The following PCDHGA7 variants were observed in gnomAD, a reference collection of about 807,000 sequenced individuals.
PCDHGA7 encodes protocadherin gamma subfamily A, 7.
A neutral mutation model predicts 58.3 loss-of-function variants in PCDHGA7; 44 were observed. The ratio of observed to expected loss-of-function variants is 0.75; its 90% CI spans 0.59 to 0.97. The LOEUF (loss-of-function observed/expected upper bound fraction) is 0.97. PCDHGA7 is among the 50% of genes least tolerant of loss of function. The pLI is 0.00. For missense variants in PCDHGA7, 1,266 were observed against 1,188.7 expected, an observed-to-expected ratio of 1.06 and a Z score of -0.96; for synonymous variants, 516 against 504.2, an observed-to-expected ratio of 1.02 and a Z score of -0.31.
At chr5:141,504,529 G>A (rs1333393859) in intron 2 of PCDHGA7, among the ~76,000 whole-genome samples, 1 of 151,900 alleles carries the variant, frequency 6.6e-6, no homozygotes, top group African/African-American at 2.4e-5. Context: ...TATTTTATTC[G>A]TGTCATCATG....
intron 1 of PCDHGA7, chr5:141,389,364 C>T: frequency 1.2e-6 from 2 of 1,613,854 alleles, no homozygotes; most frequent in Non-Finnish European, 1.7e-6. Context: ...GGCCAGTGAC[C>T]TGGAGCAGCG....
At chr5:141,461,981 G>A (rs755173695) in intron 1 of PCDHGA7, among the ~76,000 whole-genome samples, 4 of 152,078 alleles carry the variant, frequency 2.6e-5, no homozygotes, top group Non-Finnish European at 5.9e-5. Context: ...ATGCCACCAC[G>A]CCAGGCTAAT....
intron 1 of PCDHGA7, chr5:141,388,940 C>T: frequency 6.2e-7 from 1 of 1,613,966 alleles, no homozygotes; most frequent in South Asian, 1.1e-5. Context: ...CTCTACCCAA[C>T]CTAATTATGG....
In PCDHGA7 at chr5:141,489,928, G is replaced by A. The variant is rs752861962; in HGVS notation, c.2425-4879G>A. ...CCGCTCAGGGACCACCCTTATCTCT[G>A]TCATCGTGCTGGACATCAATGATAA... On this transcript the variant is annotated intron_variant, in intron 1 of 3. Transcript: ENST00000518325. The surrounding 1 kb of genome is among the most constrained non-coding windows in gnomAD (Gnocchi z 4.5). 2 of 1,614,206 alleles carry A rather than the reference G, an allele frequency of 1.2e-6. No homozygotes were observed. Among genetic ancestry groups the A allele is most frequent in the Non-Finnish European group, 1.7e-6 (2 of 1,180,038 alleles).
At chr5:141,492,637 C>T (rs2099742781) in intron 1 of PCDHGA7, among the ~76,000 whole-genome samples, 1 of 152,260 alleles carries the variant, frequency 6.6e-6, no homozygotes, top group South Asian at 2.1e-4. Context: ...CTCTACGATC[C>T]TTGGGCCAGA....
intron 3 of PCDHGA7, among the ~76,000 whole-genome samples, chr5:141,510,660 G>A (rs2099882170): frequency 1.3e-5 from 2 of 152,174 alleles, no homozygotes; most frequent in East Asian, 1.9e-4. Context: ...TTTTGCAGAT[G>A]AGAAAACTGA....
Position 141,384,478 on chromosome 5 carries a change from G to T in PCDHGA7, c.1579G>T (p.Glu527Ter), listed in dbSNP as rs1350381914. 1 of 1,613,986 alleles carries T rather than the reference G, an allele frequency of 6.2e-7. No homozygotes were observed. The highest frequency in any genetic ancestry group is 1.3e-5 in the African/African-American group (1 of 74,930). ...LQSFDYEQLR[E>*]LQLRVTAHDS... Reference sequence around the variant, plus strand: ...ATCCTTTGATTATGAGCAGTTGAGAGAACTACAACTAAGAGTGACTGCACA... The same window carrying T: ...ATCCTTTGATTATGAGCAGTTGAGATAACTACAACTAAGAGTGACTGCACA... The change falls in exon 1 of 4, where the codon GAA becomes TAA. Residue 527 changes from glutamate to a stop codon, truncating the protein, a stop_gained. Transcript: ENST00000518325. LOFTEE classifies it high-confidence loss of function.
At chr5:141,427,840 A>C (rs779622800) in intron 1 of PCDHGA7, 8 of 1,548,180 alleles carry the variant, frequency 5.2e-6, no homozygotes, top group Admixed American at 3.3e-5. Flanking sequence ...CGTGCCTTCG[A>C]CCACGAGCAG....
chr5:141,387,929 A>C, intron 1 of PCDHGA7: 1 of 1,235,330 alleles, frequency 8.1e-7, no homozygotes, highest in Non-Finnish European at 1.1e-6. Flanking sequence ...AGAGGCTGCC[A>C]GTGCTCTTTC....
chr5:141,504,790 CT>C (rs1204741124), intron 2 of PCDHGA7, among the ~76,000 whole-genome samples: 15 of 152,080 alleles, frequency 9.9e-5, no homozygotes, highest in Admixed American at 3.9e-4. Context: ...TTGGGGCCTC[CT>C]ACATCTCCCC....
Position 141,490,732 on chromosome 5 carries a change from G to T in PCDHGA7, c.2425-4075G>T, listed in dbSNP as rs775388969. 4 of 1,614,188 alleles carry T rather than the reference G, an allele frequency of 2.5e-6. No individual in the cohort carries two copies. Among genetic ancestry groups the T allele is most frequent in the Non-Finnish European group, 3.4e-6 (4 of 1,180,042 alleles). ...CACCTACTCCATTGTAGGAAATCAGGTTCAGGGAGCCCCAGCCTCCTCCTT... is the reference window on the plus strand; with the variant it reads ...CACCTACTCCATTGTAGGAAATCAGTTTCAGGGAGCCCCAGCCTCCTCCTT... On this transcript the variant is annotated intron_variant, in intron 1 of 3. Transcript: ENST00000518325. The surrounding 1 kb of genome is among the most constrained non-coding windows in gnomAD (Gnocchi z 5.4).
chr5:141,451,428 G>T (rs552096051), intron 1 of PCDHGA7, among the ~76,000 whole-genome samples: 17 of 152,166 alleles, frequency 1.1e-4, no homozygotes, highest in Non-Finnish European at 2.1e-4. Context: ...TTAGACTAAG[G>T]GTTCCAGTTC....
intron 1 of PCDHGA7, among the ~76,000 whole-genome samples, chr5:141,450,826 A>ATT (rs764729742): frequency 0.025 from 3,390 of 134,266 alleles, 60 homozygotes; most frequent in Middle Eastern, 0.057. Flanking sequence ...TATTATTATT[A>ATT]TTATTTTTTT....
chr5:141,420,186 C>A, intron 1 of PCDHGA7: 1 of 1,613,696 alleles, frequency 6.2e-7, no homozygotes, highest in Non-Finnish European at 8.5e-7. Context: ...CATTGTCCAG[C>A]CACACAAGAT....
intron 1 of PCDHGA7, chr5:141,414,940 G>C: frequency 7.4e-6 from 12 of 1,614,104 alleles, no homozygotes; most frequent in Non-Finnish European, 9.3e-6. Context: ...CGCAGAGCCC[G>C]GCTACCTGGT....
chr5:141,393,484 G>A, intron 1 of PCDHGA7: 1 of 1,614,058 alleles, frequency 6.2e-7, no homozygotes, highest in Non-Finnish European at 8.5e-7. Context: ...CCTCGCTCTA[G>A]CACAGTGCGC....
At chr5:141,419,570 G>T in intron 1 of PCDHGA7, 1 of 1,611,766 alleles carries the variant, frequency 6.2e-7, no homozygotes. Context: ...GGGTCCCGAC[G>T]GCTCCGCGCT....
chr5:141,389,248 A>G (rs757462176), intron 1 of PCDHGA7: 45 of 1,613,918 alleles, frequency 2.8e-5, no homozygotes, highest in African/African-American at 6.7e-5. Flanking sequence ...CAGTCTTCCT[A>G]TATAGTCCAC....
At chr5:141,430,638 G>A in intron 1 of PCDHGA7, 1 of 898,338 alleles carries the variant, frequency 1.1e-6, no homozygotes, top group Non-Finnish European at 1.6e-6. Flanking sequence ...CCATCCCTGG[G>A]AGTATGTGGA....
Sources: gnomAD v4.1 joint callset for allele counts (sites outside exome capture counted in the v4.1 genomes callset) on GRCh38, gnomAD v4.1.1 for gene constraint, Gnocchi (gnomAD v3.1) non-coding constraint, MANE v1.5 for transcripts, NCBI Gene and HGNC (gene_info 2026-07-23, HGNC 2026-07-21) for gene names.